Variants in NME7 observed in about 807,000 individuals in gnomAD.
The protein encoded by NME7 is NME/NM23 family member 7.
Under a neutral mutation model 49.1 loss-of-function variants are expected in NME7, and 41 were observed. The observed-to-expected ratio is 0.83, with a 90% CI of 0.65 to 1.08. NME7 has a LOEUF of 1.08. Ranked by LOEUF, NME7 falls within the 50% of genes least tolerant of loss-of-function variation. NME7 has a pLI of 0.00. For synonymous variants in NME7, 139 were observed against 150.6 expected (o/e 0.92, Z 0.56); for missense variants, 423 against 463.4 (o/e 0.91, Z 0.80).
intron 1 of NME7, among the ~76,000 whole-genome samples, chr1:169,346,745 G>A (rs974949940): frequency 1.3e-5 from 2 of 152,200 alleles, no homozygotes; most frequent in African/African-American, 4.8e-5. Context: ...CATCCCAAGG[G>A]ACTAGGTATA....
chr1:169,293,589 C>T (rs1317946513), intron 6 of NME7, among the ~76,000 whole-genome samples: 1 of 152,066 alleles, frequency 6.6e-6, no homozygotes, highest in Non-Finnish European at 1.5e-5. Context: ...CCTACTAAAG[C>T]TTTATAAAAA....
rs1649129887 is a variant in NME7, at chr1:169,260,619, G to A, written c.755-22932C>T. 1.5e-5 allele frequency among the ~76,000 whole-genome samples: 2 copies of A among 131,742 alleles called. 1 individual carries two copies. The highest frequency in any genetic ancestry group is 3.6e-5 in the Non-Finnish European group (2 of 56,220). 86.4% of individuals were successfully genotyped at this position (131,742 alleles called of 152,430 possible). A position where few individuals can be genotyped will look rare whatever the true frequency, so the allele number is the denominator to read the frequency against. ...AGCCTGAAAAGCAGAACCACAGCAT[G>A]GTAGGAGGAAACTCTTGTCTTCCTT... is the stretch of plus-strand genomic sequence containing the variant. On this transcript the variant is annotated intron_variant, in intron 7 of 11. Coordinates refer to ENST00000367811, the MANE Select transcript of NME7 (RefSeq NM_013330.5).
At chr1:169,174,108 G>A (rs1234501999) in intron 10 of NME7, among the ~76,000 whole-genome samples, 1 of 152,102 alleles carries the variant, frequency 6.6e-6, no homozygotes, top group Non-Finnish European at 1.5e-5. Flanking sequence ...TTCTGCTCAG[G>A]TAATCCTGCT....
intron 11 of NME7, among the ~76,000 whole-genome samples, chr1:169,136,938 A>G (rs1315466623): frequency 6.6e-6 from 1 of 152,222 alleles, no homozygotes; most frequent in Non-Finnish European, 1.5e-5. Context: ...CTATGGAGTT[A>G]TATTTTCTTT....
intron 10 of NME7, among the ~76,000 whole-genome samples, chr1:169,184,509 T>A (rs1306261974): frequency 6.6e-6 from 1 of 152,184 alleles, no homozygotes; most frequent in Non-Finnish European, 1.5e-5. Flanking sequence ...ACTCAGTTTT[T>A]CTTCTTCAGT....
chr1:169,336,850 G>A (rs1382831505), intron 1 of NME7, among the ~76,000 whole-genome samples: 1 of 151,392 alleles, frequency 6.6e-6, no homozygotes, highest in African/African-American at 2.4e-5. Flanking sequence ...ACAGAGTGTC[G>A]ATTGGTGCAC....
At chr1:169,141,299 G>C (rs1229174640) in intron 11 of NME7, among the ~76,000 whole-genome samples, 1 of 152,092 alleles carries the variant, frequency 6.6e-6, no homozygotes, top group Non-Finnish European at 1.5e-5. Context: ...ACAGTACCTT[G>C]GAGGCACTTA....
intron 11 of NME7, among the ~76,000 whole-genome samples, chr1:169,146,861 T>C (rs1658770242): frequency 6.6e-6 from 1 of 152,220 alleles, no homozygotes; most frequent in Admixed American, 6.5e-5. Context: ...CAGAAGTATG[T>C]ATAAGGACAA....
intron 6 of NME7, among the ~76,000 whole-genome samples, chr1:169,294,883 C>T (rs1176174082): frequency 6.6e-6 from 1 of 152,078 alleles, no homozygotes; most frequent in African/African-American, 2.4e-5. Context: ...AAATTTGATC[C>T]CCAATGTTGG....
chr1:169,227,387 G>A (rs1647388939), intron 10 of NME7, among the ~76,000 whole-genome samples: 1 of 152,060 alleles, frequency 6.6e-6, no homozygotes. Context: ...TGTCTCCCCT[G>A]ACATTTGTCA....
chr1:169,252,326 T>C (rs1648667801), intron 7 of NME7, among the ~76,000 whole-genome samples: 1 of 152,150 alleles, frequency 6.6e-6, no homozygotes, highest in Non-Finnish European at 1.5e-5. Context: ...GATGAGCATT[T>C]TTTCATGTGT....
intron 6 of NME7, among the ~76,000 whole-genome samples, chr1:169,296,664 C>A (rs1002666878): frequency 2.6e-5 from 4 of 152,090 alleles, no homozygotes; most frequent in Non-Finnish European, 5.9e-5. Context: ...ATGTCCAAAA[C>A]GTTAACTCCT....
chr1:169,330,603 C>T (rs61806985), intron 1 of NME7, among the ~76,000 whole-genome samples: 4,308 of 151,994 alleles, frequency 0.028, 104 homozygotes, highest in Non-Finnish European at 0.044. Context: ...TGCTTGAACC[C>T]GGGAGGAGGA....
At chr1:169,221,723 GCACA>G (rs1661145919) in intron 10 of NME7, among the ~76,000 whole-genome samples, 1 of 151,366 alleles carries the variant, frequency 6.6e-6, no homozygotes, top group Admixed American at 6.6e-5. Flanking sequence ...ACACACATGT[GCACA>G]CACCCAAATT....
At chr1:169,303,281 A>G in intron 4 of NME7, 86 bp from the exon 5 acceptor site, 1 of 567,544 alleles carries the variant, frequency 1.8e-6, no homozygotes, top group Non-Finnish European at 2.9e-6. Context: ...ATTAAGATAA[A>G]ATCCTCTCAA....
chr1:169,167,414 A>G (rs941349361), intron 11 of NME7, among the ~76,000 whole-genome samples: 1 of 152,180 alleles, frequency 6.6e-6, no homozygotes, highest in African/African-American at 2.4e-5. Context: ...ATAAATGTGT[A>G]TTAAGGATAT....
chr1:169,256,433 C>G (rs1200777440), intron 7 of NME7, among the ~76,000 whole-genome samples: 1 of 133,658 alleles, frequency 7.5e-6, no homozygotes, highest in African/African-American at 2.5e-5. Flanking sequence ...TTAAGCACTT[C>G]TCTGTATTGG....
intron 10 of NME7, among the ~76,000 whole-genome samples, chr1:169,228,642 A>C (rs1342603466): frequency 6.8e-6 from 1 of 147,546 alleles, no homozygotes; most frequent in Non-Finnish European, 1.5e-5. Flanking sequence ...GCGCCACTGC[A>C]GTCCGCAGTC....
At chr1:169,241,781 C>T (rs954234616) in intron 7 of NME7, among the ~76,000 whole-genome samples, 1 of 151,474 alleles carries the variant, frequency 6.6e-6, no homozygotes, top group South Asian at 2.1e-4. Flanking sequence ...ATTCAAAGTA[C>T]AATGTTAGTG....
Sources: gnomAD v4.1 joint callset for allele counts (sites outside exome capture counted in the v4.1 genomes callset) on GRCh38, gnomAD v4.1.1 for gene constraint, MANE v1.5 for transcripts, NCBI Gene and HGNC (gene_info 2026-07-23, HGNC 2026-07-21) for gene names.